VPS33A: variants seen among roughly 807,000 people sequenced by gnomAD.
The protein encoded by VPS33A is vacuolar protein sorting-associated protein 33A.
Under a neutral mutation model 71.8 loss-of-function variants are expected in VPS33A, and 32 were observed. That is an observed-to-expected ratio of 0.45 (90% CI 0.34 to 0.60). The LOEUF is 0.60. Ranked by LOEUF, VPS33A falls within the 20% of genes least tolerant of loss-of-function variation. The pLI is 0.02. For synonymous variants in VPS33A, 311 were observed against 292.7 expected, an observed-to-expected ratio of 1.06 and a Z score of -0.64; for missense variants, 625 against 748.5, an observed-to-expected ratio of 0.84 and a Z score of 1.92.
intron 7 of VPS33A, among the ~76,000 whole-genome samples, chr12:122,243,401 T>TA (rs11443213): frequency 0.14 from 20,527 of 144,954 alleles, 3,887 homozygotes; most frequent in African/African-American, 0.44. Flanking sequence ...CCCAGCTAGT[T>TA]AAAAAAAAAA....
chr12:122,239,997 T>A, intron 8 of VPS33A, 52 bp from the exon 9 acceptor site: 1 of 1,355,040 alleles, frequency 7.4e-7, no homozygotes. Flanking sequence ...TTAATTTACT[T>A]GAGTGGCATG....
Position 122,232,151 on chromosome 12 carries a change from C to T in VPS33A, c.*95G>A, listed in dbSNP as rs978179786. ...TGACCCCAGAATATATTCTGTATTCCCATGTTTCTTCTATGGGGTTTTACT... is the reference window on the plus strand; with the variant it reads ...TGACCCCAGAATATATTCTGTATTCTCATGTTTCTTCTATGGGGTTTTACT... On this transcript the variant is annotated 3_prime_UTR_variant, in exon 13 of 13. Coordinates refer to ENST00000267199, the MANE Select transcript of VPS33A (RefSeq NM_022916.6). The T allele has an allele frequency of 1.2e-5, 14 of 1,186,290 alleles. No individual in the cohort carries two copies. The African/African-American group carries it at 1.2e-4, about 11-fold the overall frequency. 73.5% of individuals were successfully genotyped at this position (1,186,290 alleles called of 1,614,324 possible).
At chr12:122,254,828 A>G (rs1592926490) in intron 4 of VPS33A, among the ~76,000 whole-genome samples, 1 of 151,834 alleles carries the variant, frequency 6.6e-6, no homozygotes, top group African/African-American at 2.4e-5. Context: ...GAGGCGGTGG[A>G]TCGCCTGAGG....
At chr12:122,249,381 C>G (rs1954815936) in intron 6 of VPS33A, 1 of 152,280 alleles carries the variant, frequency 6.6e-6, no homozygotes, top group Non-Finnish European at 1.5e-5. Flanking sequence ...TGCCACCACA[C>G]TCAGCTAATT....
chr12:122,252,134 T>C (rs1212174359), intron 4 of VPS33A, among the ~76,000 whole-genome samples: 2 of 129,176 alleles, frequency 1.5e-5, no homozygotes, highest in Non-Finnish European at 3.0e-5. Context: ...AGCATGCATC[T>C]GTATCTGAGC....
At chr12:122,250,066 G>A in intron 5 of VPS33A, 21 bp from the exon 6 acceptor site, 2 of 1,589,370 alleles carry the variant, frequency 1.3e-6, no homozygotes, top group Non-Finnish European at 1.7e-6. Context: ...AACATTGGAT[G>A]AGGTGGGGCC....
chr12:122,261,176 T>C (rs1954988626), intron 4 of VPS33A, 85 bp downstream of exon 4: 1 of 1,123,350 alleles, frequency 8.9e-7, no homozygotes, highest in Non-Finnish European at 1.2e-6. Context: ...GGGACTCAGC[T>C]TCACAGTAAT....
intron 4 of VPS33A, among the ~76,000 whole-genome samples, chr12:122,255,821 T>G (rs1376420413): frequency 6.6e-6 from 1 of 152,116 alleles, no homozygotes; most frequent in Non-Finnish European, 1.5e-5. Context: ...TCGCTTTTTC[T>G]GTGGCCGGGT....
At chr12:122,234,481 A>G (rs1415113453) in intron 11 of VPS33A, among the ~76,000 whole-genome samples, 5 of 152,070 alleles carry the variant, frequency 3.3e-5, no homozygotes, top group African/African-American at 1.2e-4. Flanking sequence ...TAGTAGAGAC[A>G]GGGTTTCACC....
At position 122,232,052 on chromosome 12, in the gene VPS33A, G is replaced by A. The variant is rs534929520; in HGVS notation, c.*194C>T. On this transcript the variant is annotated 3_prime_UTR_variant, in exon 13 of 13. Coordinates refer to ENST00000267199, the MANE Select transcript of VPS33A (RefSeq NM_022916.6). Reference sequence around the variant, plus strand: ...AGTCTGGGTGACAGAGCAAGACTCCGTCTCAAAGGAAAAAAAAAAAGGGAA... The same window carrying A: ...AGTCTGGGTGACAGAGCAAGACTCCATCTCAAAGGAAAAAAAAAAAGGGAA... 22 of 547,596 alleles carry A rather than the reference G, an allele frequency of 4.0e-5. No individual in the cohort carries two copies. The highest frequency in any genetic ancestry group is 2.0e-4 in the African/African-American group (10 of 50,126). 33.9% of individuals were successfully genotyped at this position (547,596 alleles called of 1,614,324 possible). A position where few individuals can be genotyped will look rare whatever the true frequency, so the allele number is the denominator to read the frequency against.
At chr12:122,253,652 C>T (rs1954875068) in intron 4 of VPS33A, 1 of 153,720 alleles carries the variant, frequency 6.5e-6, no homozygotes, top group Non-Finnish European at 1.5e-5. Context: ...ATCTCTTTTA[C>T]AATATTTTTT....
intron 4 of VPS33A, among the ~76,000 whole-genome samples, chr12:122,255,960 C>CACCCGGTTAATTTTGTATTTCTAGTA (rs1566049582): frequency 1.3e-5 from 2 of 151,964 alleles, no homozygotes; most frequent in African/African-American, 4.8e-5. Flanking sequence ...CACATCACCA[C>CACCCGGTTAATTTTGTATTTCTAGTA]GTGTGGCTAG....
rs560277508 is a variant in VPS33A at position 122,250,212 on chromosome 12, A to C, written c.601-167T>G. ...GAAAAGCACCTTGCTGTTGGCACCC[A>C]TCCCGACACTTGCACCAAGGCAGCT... On this transcript the variant is annotated intron_variant, in intron 5 of 12. Coordinates refer to ENST00000267199, the MANE Select transcript of VPS33A (RefSeq NM_022916.6). The C allele has an allele frequency of 4.2e-5, 28 of 668,812 alleles. No homozygotes were observed. In the African/African-American group the frequency reaches 4.4e-4, roughly 10 times the overall value. 41.4% of individuals were successfully genotyped at this position (668,812 alleles called of 1,614,324 possible).
At chr12:122,239,021 A>ACC (rs201281659) in intron 9 of VPS33A, among the ~76,000 whole-genome samples, 54 of 137,606 alleles carry the variant, frequency 3.9e-4, no homozygotes, top group African/African-American at 1.4e-3. Context: ...ACACACACAC[A>ACC]CCCCCCAGTG....
At chr12:122,249,076 T>A (rs1321652935) in intron 6 of VPS33A, 1 of 152,206 alleles carries the variant, frequency 6.6e-6, no homozygotes, top group Non-Finnish European at 1.5e-5. Context: ...TTCCAGTTTT[T>A]ACGGTATTCT....
chr12:122,239,927 T>G lies in VPS33A; in HGVS notation c.1115A>C (p.Asp372Ala). The part of the protein sequence containing the change: ...KDVTTSEDFF[D>A]KLTVEQEFMS... ...AAACTCCTGTTCCACGGTTAATTTA[T>G]CAAAAAAGTCTTCAGAAGCTAAAAT... Residue 372 changes from aspartate (D) to alanine (A), a missense_variant, in exon 9 of 13, where the codon GAT becomes GCT. Coordinates refer to ENST00000267199, the MANE Select transcript of VPS33A (RefSeq NM_022916.6). 1 of 1,613,572 alleles carries G rather than the reference T, an allele frequency of 6.2e-7. No individual in the cohort carries two copies. Among genetic ancestry groups the G allele is most frequent in the Non-Finnish European group, 8.5e-7 (1 of 1,179,756 alleles).
intron 8 of VPS33A, chr12:122,240,956 G>C (rs1954705810): frequency 6.6e-6 from 1 of 152,088 alleles, no homozygotes; most frequent in African/African-American, 2.4e-5. Context: ...CCAACATGGT[G>C]AAACACCATC....
intron 5 of VPS33A, among the ~76,000 whole-genome samples, chr12:122,250,708 T>C (rs1954831531): frequency 6.6e-6 from 1 of 152,160 alleles, no homozygotes. Context: ...GTTTGCAGTC[T>C]GAGAGCTGAA....
At chr12:122,242,084 T>C (rs1592915251) in intron 8 of VPS33A, among the ~76,000 whole-genome samples, 1 of 151,800 alleles carries the variant, frequency 6.6e-6, no homozygotes, top group African/African-American at 2.4e-5. Context: ...ATTTTTGTAT[T>C]TGTAGTAGAC....
Sources: gnomAD v4.1 joint callset for allele counts (sites outside exome capture counted in the v4.1 genomes callset) on GRCh38, gnomAD v4.1.1 for gene constraint, MANE v1.5 for transcripts, NCBI Gene and HGNC (gene_info 2026-07-23, HGNC 2026-07-21) for gene names.